RASEF: variants seen among roughly 807,000 people sequenced by gnomAD.
RASEF encodes RAS and EF-hand domain containing, also known as ras and EF-hand domain-containing protein.
RASEF carries 68 observed loss-of-function variants against 90.1 expected under a neutral mutation model. That is an observed-to-expected ratio of 0.75 (90% CI 0.62 to 0.92). The LOEUF is 0.92. Ranked by LOEUF, RASEF falls within the 40% of genes least tolerant of loss-of-function variation. RASEF has a pLI of 0.00. For synonymous variants in RASEF, 331 were observed against 345.2 expected (o/e 0.96, Z 0.46); for missense variants, 949 against 937.2 (o/e 1.01, Z -0.16).
chr9:83,178,055 T>C, the RASEF span, among the ~76,000 whole-genome samples: 1 of 152,180 alleles, frequency 6.6e-6, no homozygotes, highest in South Asian at 2.1e-4. Flanking sequence ...TCTAAAGACT[T>C]TAAATGGTTG....
chr9:83,080,118 T>G, the RASEF span, among the ~76,000 whole-genome samples: 14 of 152,342 alleles, frequency 9.2e-5, no homozygotes, highest in African/African-American at 3.1e-4. Context: ...TCCAAAAGCA[T>G]GAATTCCTCT....
At chr9:83,153,046 A>C in the RASEF span, among the ~76,000 whole-genome samples, 1 of 152,196 alleles carries the variant, frequency 6.6e-6, no homozygotes, top group Non-Finnish European at 1.5e-5. Flanking sequence ...CCACTTCGGA[A>C]AACTTGTTTT....
chr9:83,143,320 A>G, the RASEF span, among the ~76,000 whole-genome samples: 1,079 of 152,332 alleles, frequency 7.1e-3, 13 homozygotes, highest in African/African-American at 0.024. Flanking sequence ...AAATATTTGT[A>G]AACTATGCAT....
chr9:83,127,714 A>C, the RASEF span, among the ~76,000 whole-genome samples: 5 of 152,220 alleles, frequency 3.3e-5, no homozygotes, highest in Non-Finnish European at 7.3e-5. Flanking sequence ...TGGGTGGGAC[A>C]GGCAATCCTT....
chr9:83,095,821 A>C, the RASEF span, among the ~76,000 whole-genome samples: 1 of 152,146 alleles, frequency 6.6e-6, no homozygotes, highest in Non-Finnish European at 1.5e-5. Flanking sequence ...TGATAAAATG[A>C]AATGAATAAC....
At chr9:83,134,682 T>G in the RASEF span, among the ~76,000 whole-genome samples, 1 of 152,118 alleles carries the variant, frequency 6.6e-6, no homozygotes, top group Non-Finnish European at 1.5e-5. Context: ...CCAGCTGCTT[T>G]AGAAAACAGT....
chr9:83,065,568 C>T (rs1830275694), upstream of RASEF, among the ~76,000 whole-genome samples: 1 of 152,140 alleles, frequency 6.6e-6, no homozygotes, highest in Non-Finnish European at 1.5e-5. Flanking sequence ...AGCCCTAAGT[C>T]AGTGTGGGAA....
At chr9:83,109,571 T>C in the RASEF span, among the ~76,000 whole-genome samples, 1 of 152,198 alleles carries the variant, frequency 6.6e-6, no homozygotes, top group Non-Finnish European at 1.5e-5. Context: ...AAAATGAGAA[T>C]ACTCCAGTCA....
At chr9:83,066,368 G>A (rs1342013013), upstream of RASEF, among the ~76,000 whole-genome samples, 9 of 152,196 alleles carry the variant, frequency 5.9e-5, no homozygotes, top group African/African-American at 1.7e-4. Flanking sequence ...CACTTAGTGT[G>A]TATGTCAGTT....
At chr9:82,996,909 G>C (rs772806998) in intron 14 of RASEF, 103 bp downstream of exon 14, 2 of 693,914 alleles carry the variant, frequency 2.9e-6, no homozygotes, top group African/African-American at 1.8e-5. Context: ...TGGATCAATG[G>C]TTCCTAATCA....
At chr9:83,055,476 C>G (rs547036670) in intron 1 of RASEF, 1 of 670,782 alleles carries the variant, frequency 1.5e-6, no homozygotes, top group Admixed American at 2.0e-5. Context: ...CCCGGTACCT[C>G]AGATGGAAAT....
chr9:83,057,795 A>C (rs1830126011), intron 1 of RASEF, among the ~76,000 whole-genome samples: 1 of 150,430 alleles, frequency 6.6e-6, no homozygotes, highest in Non-Finnish European at 1.5e-5. Context: ...AAAAATACAT[A>C]CATATATATA....
intron 9 of RASEF, among the ~76,000 whole-genome samples, chr9:83,003,123 T>C (rs924462478): frequency 2.0e-5 from 3 of 152,244 alleles, no homozygotes; most frequent in African/African-American, 7.2e-5. Context: ...ACAATTTTAT[T>C]GTACATCTAA....
At chr9:83,164,311 G>A in the RASEF span, among the ~76,000 whole-genome samples, 4 of 142,248 alleles carry the variant, frequency 2.8e-5, no homozygotes, top group African/African-American at 7.6e-5. Context: ...AAATAATAGC[G>A]ACAACGTATT....
chr9:83,149,740 C>G, the RASEF span, among the ~76,000 whole-genome samples: 1 of 152,210 alleles, frequency 6.6e-6, no homozygotes, highest in Admixed American at 6.5e-5. Context: ...AGGTACTCAA[C>G]AGCCAACCGC....
At chr9:83,047,215 G>A (rs1048669687) in intron 1 of RASEF, among the ~76,000 whole-genome samples, 3 of 152,010 alleles carry the variant, frequency 2.0e-5, no homozygotes, top group Non-Finnish European at 1.5e-5. Flanking sequence ...AGATACATGT[G>A]AGAACATTTA....
the RASEF span, among the ~76,000 whole-genome samples, chr9:83,129,794 T>C: frequency 6.6e-6 from 1 of 152,184 alleles, no homozygotes; most frequent in Non-Finnish European, 1.5e-5. Context: ...GGGTTGCAGA[T>C]GAGAGCCAAA....
intron 1 of RASEF, among the ~76,000 whole-genome samples, chr9:83,043,658 AC>A (rs1278521873): frequency 6.6e-6 from 1 of 152,100 alleles, no homozygotes; most frequent in African/African-American, 2.4e-5. Context: ...AACCAGAAGC[AC>A]CCCCAGGCAA....
chr9:83,153,510 A>G, the RASEF span, among the ~76,000 whole-genome samples: 1 of 152,180 alleles, frequency 6.6e-6, no homozygotes, highest in Non-Finnish European at 1.5e-5. Flanking sequence ...CATCAATAGA[A>G]AGTTATCTGA....
Sources: allele counts gnomAD v4.1 joint callset (sites outside exome capture counted in the v4.1 genomes callset), GRCh38; gene constraint gnomAD v4.1.1; transcripts MANE v1.5; gene names NCBI Gene and HGNC (gene_info 2026-07-23, HGNC 2026-07-21).